CDC45: variants seen among roughly 807,000 people sequenced by gnomAD.
CDC45 encodes the protein cell division control protein 45 homolog.
Under a neutral mutation model 77.8 loss-of-function variants are expected in CDC45, and 54 were observed. The observed-to-expected ratio is 0.69, with a 90% CI of 0.56 to 0.87. CDC45 has a LOEUF of 0.87. Among genes scored for constraint, CDC45 ranks in the 40% least tolerant of loss-of-function variants. The probability of loss-of-function intolerance (pLI) is 0.00; values close to 1 mark genes in which losing one functional copy is unlikely to be tolerated. For missense variants in CDC45, 649 were observed against 721.6 expected (o/e 0.90, Z 1.15); for synonymous variants, 260 against 272.1 (o/e 0.96, Z 0.44).
Position 19,518,923 on chromosome 22 carries a change from G to T in CDC45, c.*1+14G>T. The T allele has an allele frequency of 1.2e-6, 2 of 1,607,984 alleles. No homozygotes were observed. Among genetic ancestry groups the T allele is most frequent in the Non-Finnish European group, 1.7e-6 (2 of 1,174,556 alleles). On this transcript the variant is annotated intron_variant, in intron 18 of 18. Coordinates refer to ENST00000263201, the MANE Select transcript of CDC45 (RefSeq NM_003504.5). The stretch of plus-strand genomic sequence containing the variant: ...TCCTGTCCTAGGGTGAGTTACAGGG[G>T]TTCTGCAGGGGTGGCTGCAGCAGCC...
rs375976942 is a variant in CDC45 at position 19,500,301 on chromosome 22, G to A, written c.704+1150G>A. 5.4e-4 allele frequency among the ~76,000 whole-genome samples: 82 copies of A among 152,284 alleles called. No individual in the cohort carries two copies. The South Asian group carries it at 8.3e-3, about 15-fold the overall frequency. ...CAGTGGCACTTCCTGTACAGGATCT[G>A]TACCTGAAACTGTCCCTATAAACTT... is the stretch of plus-strand genomic sequence containing the variant. On this transcript the variant is annotated intron_variant, in intron 9 of 18. Transcript: ENST00000263201.
rs757679588 is a variant in CDC45 at position 19,507,545 on chromosome 22, G to T, written c.956+28G>T. On this transcript the variant is annotated intron_variant, in intron 11 of 18. Transcript: ENST00000263201. ...GAGTGACTGCCTGGGCCTCTGCAGT[G>T]CCAGCCCTGGCCACCCCCAAGGGAA... 8.7e-6 allele frequency: 14 copies of T among 1,611,932 alleles called. No homozygotes were observed. In the East Asian group the frequency reaches 1.3e-4, roughly 15 times the overall value.
chr22:19,498,076 A>G (rs574423288), intron 8 of CDC45, among the ~76,000 whole-genome samples: 1 of 152,228 alleles, frequency 6.6e-6, no homozygotes, highest in African/African-American at 2.4e-5. Flanking sequence ...CAGGAGGCTG[A>G]GGTAGGAGAA....
intron 10 of CDC45, among the ~76,000 whole-genome samples, chr22:19,507,173 A>G (rs1166598887): frequency 6.6e-6 from 1 of 152,182 alleles, no homozygotes; most frequent in Non-Finnish European, 1.5e-5. Flanking sequence ...TGTCAGACGG[A>G]TGGTGGTCTA....
At chr22:19,490,952 C>T (rs750346785) in intron 5 of CDC45, among the ~76,000 whole-genome samples, 1 of 151,586 alleles carries the variant, frequency 6.6e-6, no homozygotes, top group Non-Finnish European at 1.5e-5. Context: ...CTCAGCCTCC[C>T]GAGTAGCTGG....
chr22:19,493,153 T>C (rs1446120296), intron 5 of CDC45, among the ~76,000 whole-genome samples: 3 of 152,148 alleles, frequency 2.0e-5, no homozygotes, highest in African/African-American at 4.8e-5. Context: ...GTAGATGGGC[T>C]ACTGCCTAAA....
intron 13 of CDC45, among the ~76,000 whole-genome samples, chr22:19,510,965 A>G (rs1933479734): frequency 6.6e-6 from 1 of 152,164 alleles, no homozygotes; most frequent in East Asian, 1.9e-4. Flanking sequence ...TGCATGTACA[A>G]GTTTTTGTGT....
intron 5 of CDC45, among the ~76,000 whole-genome samples, chr22:19,487,832 AAT>A (rs1373799955): frequency 1.3e-5 from 2 of 150,590 alleles, no homozygotes; most frequent in Non-Finnish European, 3.0e-5. Context: ...GGATGGTGTG[AAT>A]CCAGGAAGCA....
chr22:19,486,608 G>A (rs937850705), intron 5 of CDC45, among the ~76,000 whole-genome samples: 2 of 152,172 alleles, frequency 1.3e-5, no homozygotes, highest in African/African-American at 4.8e-5. Flanking sequence ...ATAACATTAA[G>A]CATTCTTGAG....
chr22:19,491,433 A>AT (rs77377103), intron 5 of CDC45, among the ~76,000 whole-genome samples: 350 of 143,062 alleles, frequency 2.4e-3, no homozygotes, highest in Admixed American at 5.0e-3. Context: ...GAATTTCTTG[A>AT]TTTTTTTTTT....
Position 19,518,838 on chromosome 22 carries a change from C to T in CDC45, c.1637-6C>T, listed in dbSNP as rs971529360. On this transcript the variant is annotated splice_region_variant and splice_polypyrimidine_tract_variant and intron_variant, in intron 17 of 18. Coordinates refer to ENST00000263201, the MANE Select transcript of CDC45 (RefSeq NM_003504.5). Reference sequence around the variant, plus strand: ...TCTCACGGCTGTTTTTCTTTCATTACTTCAGTAATTGAGCTGAAAGCTGAG... The same window carrying T: ...TCTCACGGCTGTTTTTCTTTCATTATTTCAGTAATTGAGCTGAAAGCTGAG... 6.2e-6 allele frequency: 10 copies of T among 1,613,262 alleles called. No homozygotes were observed. The highest frequency in any genetic ancestry group is 4.0e-5 in the African/African-American group (3 of 74,904).
intron 5 of CDC45, among the ~76,000 whole-genome samples, chr22:19,493,012 C>T (rs1187786983): frequency 6.6e-6 from 1 of 152,178 alleles, no homozygotes; most frequent in Non-Finnish European, 1.5e-5. Flanking sequence ...TCAGTTCCCT[C>T]CTTGGCCTCT....
intron 5 of CDC45, among the ~76,000 whole-genome samples, chr22:19,492,025 C>CA (rs1310961004): frequency 3.3e-5 from 5 of 152,088 alleles, no homozygotes; most frequent in African/African-American, 1.2e-4. Context: ...AGGCTGGTCT[C>CA]AAACTCCTGG....
At chr22:19,509,491 GTCTTTAT>G (rs1182432880) in intron 13 of CDC45, among the ~76,000 whole-genome samples, 2 of 152,184 alleles carry the variant, frequency 1.3e-5, no homozygotes, top group Non-Finnish European at 2.9e-5. Context: ...AAGTCTTTGA[GTCTTTAT>G]TCCAGACATG....
At position 19,482,671 on chromosome 22, in the gene CDC45, A is replaced by G. The variant is rs1238993320; in HGVS notation, c.205-19A>G. The G allele has an allele frequency of 6.2e-7, 1 of 1,611,668 alleles. No homozygotes were observed. The highest frequency in any genetic ancestry group is 2.2e-5 in the East Asian group (1 of 44,862). ...GCCTCCTCGATATAGCTACTTTACA[A>G]TATCTTCCTTTTTTTCAGTTTCATT... On this transcript the variant is annotated intron_variant, in intron 3 of 18. Transcript: ENST00000263201.
At chr22:19,480,871 C>T (rs896414383) in intron 2 of CDC45, 82 bp from the exon 3 acceptor site, 9 of 840,006 alleles carry the variant, frequency 1.1e-5, no homozygotes, top group African/African-American at 3.4e-5. Context: ...TCTCTCAACC[C>T]GTCTAATCTT....
intron 5 of CDC45, among the ~76,000 whole-genome samples, chr22:19,489,254 G>A (rs574631717): frequency 5.8e-4 from 88 of 151,956 alleles, no homozygotes; most frequent in Admixed American, 2.6e-4. Context: ...CACTGTGAAA[G>A]TTCTGCCAGA....
Position 19,498,454 on chromosome 22 carries a change from C to T in CDC45, c.654-647C>T, listed in dbSNP as rs552438636. ...GGGCTGCACCTGGCATGACCGAGCA[C>T]AGTGGGGCCCAGTCACTCTTGCTGT... is the stretch of plus-strand genomic sequence containing the variant. On this transcript the variant is annotated intron_variant, in intron 8 of 18. Transcript: ENST00000263201. 2.2e-4 allele frequency among the ~76,000 whole-genome samples: 33 copies of T among 152,384 alleles called. No individual in the cohort carries two copies. The South Asian group carries it at 6.8e-3, about 32-fold the overall frequency.
At chr22:19,485,262 C>T (rs2090048242) in intron 5 of CDC45, among the ~76,000 whole-genome samples, 1 of 152,204 alleles carries the variant, frequency 6.6e-6, no homozygotes, top group South Asian at 2.1e-4. Context: ...GACTAATAAA[C>T]AAATATTTTT....
Sources: gnomAD v4.1 joint callset for allele counts (sites outside exome capture counted in the v4.1 genomes callset) on GRCh38, gnomAD v4.1.1 for gene constraint, MANE v1.5 for transcripts, NCBI Gene and HGNC (gene_info 2026-07-23, HGNC 2026-07-21) for gene names.